BDNF: variants seen among roughly 807,000 people sequenced by gnomAD.
The protein encoded by BDNF is neurotrophic factor BDNF precursor form.
BDNF carries 1 observed loss-of-function variant against 19.5 expected under a neutral mutation model. The ratio of observed to expected loss-of-function variants is 0.05; its 90% CI spans 0.02 to 0.24. BDNF has a LOEUF of 0.24. Among genes scored for constraint, BDNF ranks in the 10% least tolerant of loss-of-function variants. The probability of loss-of-function intolerance (pLI) is 1.00; values close to 1 mark genes in which losing one functional copy is unlikely to be tolerated. For missense variants in BDNF, 195 were observed against 317.6 expected, an observed-to-expected ratio of 0.61 and a Z score of 2.93; for synonymous variants, 100 against 121.6, an observed-to-expected ratio of 0.82 and a Z score of 1.17.
At chr11:27,670,478 C>T (rs939865709) in intron 1 of BDNF, among the ~76,000 whole-genome samples, 22 of 152,122 alleles carry the variant, frequency 1.4e-4, no homozygotes, top group African/African-American at 4.8e-4. Context: ...AGGAAACCTA[C>T]GGAATGGGAG....
Position 27,657,479 on chromosome 11 carries a change from C to T in BDNF, c.*342G>A. Reference sequence around the variant, plus strand: ...TGTGTGTGTGTTTTTTTTCTGTTTTCTGAAAGAGGACAGTTTATTATCAAT... The same window carrying T: ...TGTGTGTGTGTTTTTTTTCTGTTTTTTGAAAGAGGACAGTTTATTATCAAT... On this transcript the variant is annotated 3_prime_UTR_variant, in exon 2 of 2. Transcript: ENST00000356660. The surrounding 1 kb of genome is among the most constrained non-coding windows in gnomAD (Gnocchi z 5.0). 9.5e-7 allele frequency: 1 copy of T among 1,052,230 alleles called. No individual in the cohort carries two copies. The highest frequency in any genetic ancestry group is 1.1e-6 in the Non-Finnish European group (1 of 871,202). 65.2% of individuals were successfully genotyped at this position (1,052,230 alleles called of 1,614,324 possible). A position where few individuals can be genotyped will look rare whatever the true frequency, so the allele number is the denominator to read the frequency against.
chr11:27,658,149 C>T lies in BDNF; in HGVS notation c.416G>A (p.Ser139Asn). 6.2e-7 allele frequency: 1 copy of T among 1,614,212 alleles called. No individual in the cohort carries two copies. The highest frequency in any genetic ancestry group is 8.5e-7 in the Non-Finnish European group (1 of 1,180,034). ...CCACTCACTAATACTGTCACACACGCTCAGCTCCCCTCGGCGGGCAGGGTC... is the reference window on the plus strand; with the variant it reads ...CCACTCACTAATACTGTCACACACGTTCAGCTCCCCTCGGCGGGCAGGGTC... ...HSDPARRGELSVCDSISEWVT... is the reference protein window; with the variant it reads ...HSDPARRGELNVCDSISEWVT... The change falls in exon 2 of 2, where the codon AGC becomes AAC. Residue 139 changes from serine (S) to asparagine (N), a missense_variant. By Grantham distance (46) the Ser-to-Asn change is conservative. Transcript: ENST00000356660. The surrounding 1 kb of genome is among the most constrained non-coding windows in gnomAD (Gnocchi z 5.7).
At chr11:27,680,177 G>A (rs1204509123) in intron 1 of BDNF, among the ~76,000 whole-genome samples, 1 of 152,124 alleles carries the variant, frequency 6.6e-6, no homozygotes, top group East Asian at 1.9e-4. Flanking sequence ...TCTGCCCTTG[G>A]GGACTGCAGT....
intron 1 of BDNF, among the ~76,000 whole-genome samples, chr11:27,670,573 A>C (rs745818863): frequency 2.6e-5 from 4 of 152,206 alleles, no homozygotes; most frequent in Non-Finnish European, 5.9e-5. Context: ...AAAAAATCAA[A>C]TGACCCCATC....
intron 1 of BDNF, among the ~76,000 whole-genome samples, chr11:27,686,944 G>A (rs1857563042): frequency 6.6e-6 from 1 of 152,104 alleles, no homozygotes; most frequent in Admixed American, 6.6e-5. Flanking sequence ...GAATTTGAAT[G>A]TTGGCTTGTC....
Position 27,700,301 on chromosome 11 carries a change from T to C in BDNF, c.-159A>G. ...CCCACAGCAGCGGTGGGTGTCTCAT[T>C]AAAGCCCCCCGAGCAGGAGGTGGAG... is the stretch of plus-strand genomic sequence containing the variant. On this transcript the variant is annotated 5_prime_UTR_variant, in exon 1 of 2. Transcript: ENST00000356660. The C allele has an allele frequency of 1.0e-6, 1 of 984,634 alleles. No homozygotes were observed. The highest frequency in any genetic ancestry group is 1.2e-6 in the Non-Finnish European group (1 of 829,764). 61.0% of individuals were successfully genotyped at this position (984,634 alleles called of 1,614,324 possible). A position where few individuals can be genotyped will look rare whatever the true frequency, so the allele number is the denominator to read the frequency against.
chr11:27,683,614 T>G (rs907743251), intron 1 of BDNF, among the ~76,000 whole-genome samples: 5 of 152,220 alleles, frequency 3.3e-5, no homozygotes, highest in Non-Finnish European at 5.9e-5. Flanking sequence ...AGTTTCAGTT[T>G]TCTGCAAATG....
chr11:27,668,173 G>C (rs1431169993), intron 1 of BDNF, among the ~76,000 whole-genome samples: 1 of 152,118 alleles, frequency 6.6e-6, no homozygotes, highest in African/African-American at 2.4e-5. Context: ...TGACTACTGG[G>C]TACTTAACGA....
At position 27,671,559 on chromosome 11, in the gene BDNF, A is replaced by T. The variant is rs1420853959; in HGVS notation, c.-21-12974T>A. Among the ~76,000 whole-genome samples the T allele has an allele frequency of 1.1e-4, 17 of 152,264 alleles. No homozygotes were observed. The East Asian group carries it at 2.7e-3, about 24-fold the overall frequency. Reference sequence around the variant, plus strand: ...AACCTAAAGTCTCAAACTTCAAATAATTTTTTGTGTTAAATTTATAAATTG... The same window carrying T: ...AACCTAAAGTCTCAAACTTCAAATATTTTTTTGTGTTAAATTTATAAATTG... On this transcript the variant is annotated intron_variant, in intron 1 of 1. Coordinates refer to ENST00000356660, the MANE Select transcript of BDNF (RefSeq NM_001709.5).
At chr11:27,693,996 T>C (rs1858648031) in intron 1 of BDNF, among the ~76,000 whole-genome samples, 1 of 151,984 alleles carries the variant, frequency 6.6e-6, no homozygotes, top group African/African-American at 2.4e-5. Context: ...AAAAAGAAAG[T>C]TTTCTGCACC....
intron 1 of BDNF, among the ~76,000 whole-genome samples, chr11:27,669,401 A>G (rs1254588584): frequency 6.6e-6 from 1 of 152,200 alleles, no homozygotes; most frequent in East Asian, 1.9e-4. Context: ...TGGACGTTCT[A>G]GCCAGGGCAA....
intron 1 of BDNF, among the ~76,000 whole-genome samples, chr11:27,716,456 G>GACACACACACACACAC (rs61227267): frequency 1.0e-4 from 15 of 146,930 alleles, no homozygotes; most frequent in East Asian, 6.1e-4. Flanking sequence ...CACACACACA[G>GACACACACACACACAC]ACACACACAC....
chr11:27,667,483 A>C (rs941882461), intron 1 of BDNF, among the ~76,000 whole-genome samples: 10 of 152,230 alleles, frequency 6.6e-5, no homozygotes, highest in African/African-American at 2.4e-4. Flanking sequence ...AAATTGGATA[A>C]AGAGTCAAGA....
intron 1 of BDNF, chr11:27,659,411 C>T: frequency 5.0e-6 from 5 of 1,000,258 alleles, no homozygotes; most frequent in Non-Finnish European, 4.8e-6. Context: ...TGTGTCTATG[C>T]CTGGGGCTAA....
chr11:27,717,517 C>G (rs1344532582), intron 1 of BDNF, among the ~76,000 whole-genome samples: 1 of 152,182 alleles, frequency 6.6e-6, no homozygotes. Flanking sequence ...ATATTCTCAT[C>G]TGAATCAATA....
chr11:27,657,187 T>G lies in BDNF; in HGVS notation c.*634A>C. ...TATCTTTTATCAGCCAGAATATATATTGTAGGAATTCTTTCCCCATCTCTA... is the reference window on the plus strand; with the variant it reads ...TATCTTTTATCAGCCAGAATATATAGTGTAGGAATTCTTTCCCCATCTCTA... On this transcript the variant is annotated 3_prime_UTR_variant, in exon 2 of 2. Transcript: ENST00000356660. The surrounding 1 kb of genome is among the most constrained non-coding windows in gnomAD (Gnocchi z 5.0). The G allele has an allele frequency of 1.0e-6, 1 of 982,994 alleles. No homozygotes were observed. Among genetic ancestry groups the G allele is most frequent in the African/African-American group, 1.7e-5 (1 of 57,218 alleles). 60.9% of individuals were successfully genotyped at this position (982,994 alleles called of 1,614,324 possible). A position where few individuals can be genotyped will look rare whatever the true frequency, so the allele number is the denominator to read the frequency against.
chr11:27,701,029 C>T (rs1232718218), upstream of BDNF: 1 of 1,359,900 alleles, frequency 7.4e-7, no homozygotes, highest in South Asian at 1.2e-5. Context: ...TGAAATCGCA[C>T]AGAGCATGGG....
intron 1 of BDNF, among the ~76,000 whole-genome samples, chr11:27,680,255 C>T (rs1019866043): frequency 6.6e-6 from 1 of 152,136 alleles, no homozygotes; most frequent in African/African-American, 2.4e-5. Flanking sequence ...AACTAACATG[C>T]ACAAAGGGCA....
intron 1 of BDNF, among the ~76,000 whole-genome samples, chr11:27,708,547 T>C (rs1243600791): frequency 6.6e-6 from 1 of 151,348 alleles, no homozygotes; most frequent in Non-Finnish European, 1.5e-5. Context: ...ATTTATATGA[T>C]TTTGCTCTCT....
Sources: gnomAD v4.1 joint callset for allele counts (sites outside exome capture counted in the v4.1 genomes callset) on GRCh38, gnomAD v4.1.1 for gene constraint, Gnocchi (gnomAD v3.1) non-coding constraint, MANE v1.5 for transcripts, NCBI Gene and HGNC (gene_info 2026-07-23, HGNC 2026-07-21) for gene names.